Variants in SCNN1B observed in about 807,000 individuals in gnomAD.
SCNN1B encodes epithelial sodium channel subunit beta.
SCNN1B carries 46 observed loss-of-function variants against 65.3 expected under a neutral mutation model. The ratio of observed to expected loss-of-function variants is 0.70; its 90% CI spans 0.56 to 0.90. The LOEUF (loss-of-function observed/expected upper bound fraction) is 0.90. SCNN1B is among the 40% of genes least tolerant of loss of function. SCNN1B has a pLI of 0.00. For missense variants in SCNN1B, 751 were observed against 830.5 expected, an observed-to-expected ratio of 0.90 and a Z score of 1.18; for synonymous variants, 349 against 330.6, an observed-to-expected ratio of 1.06 and a Z score of -0.60.
At chr16:23,296,691 G>T (rs574743285) in intron 2 of SCNN1B, among the ~76,000 whole-genome samples, 9 of 152,144 alleles carry the variant, frequency 5.9e-5, no homozygotes, top group Non-Finnish European at 1.0e-4. Context: ...AGCTTGCTGT[G>T]GCCTCGGGCA....
intron 2 of SCNN1B, among the ~76,000 whole-genome samples, chr16:23,351,794 G>A (rs1013004744): frequency 3.9e-5 from 6 of 152,164 alleles, no homozygotes; most frequent in African/African-American, 1.4e-4. Context: ...CAGGGCTGAG[G>A]GAAGACATTG....
chr16:23,371,269 C>G, intron 5 of SCNN1B, 30 bp from the exon 6 acceptor site: 1 of 1,612,772 alleles, frequency 6.2e-7, no homozygotes, highest in Non-Finnish European at 8.5e-7. Context: ...GGAGAAAGTT[C>G]AGGCAGCCCT....
Position 23,348,682 on chromosome 16 carries a change from G to A in SCNN1B, c.83G>A (p.Trp28Ter). The A allele has an allele frequency of 6.2e-7, 1 of 1,613,954 alleles. No homozygotes were observed. The highest frequency in any genetic ancestry group is 8.5e-7 in the Non-Finnish European group (1 of 1,179,990). The change falls in exon 2 of 13, where the codon TGG becomes TAG. Residue 28 changes from tryptophan (W) to a stop codon, truncating the protein, a stop_gained. Coordinates refer to ENST00000343070, the MANE Select transcript of SCNN1B (RefSeq NM_000336.3). LOFTEE classifies it high-confidence loss of function. This position sits in a 1 kb window ranked among gnomAD's most constrained non-coding sequence, Gnocchi z 4.5. ...TACACGTACAAGGAGCTGCTGGTGT[G>A]GTACTGCGACAACACCAACACCCAC... is the stretch of plus-strand genomic sequence containing the variant. ...PGYTYKELLV[W>*]YCDNTNTHGP... is the part of the protein sequence containing the mutation.
At chr16:23,367,804 G>A (rs989489789) in intron 4 of SCNN1B, 52 bp from the exon 5 acceptor site, 19 of 1,354,252 alleles carry the variant, frequency 1.4e-5, no homozygotes, top group Non-Finnish European at 1.7e-5. Flanking sequence ...ACAGTCGGGG[G>A]AGGCATTGCC....
chr16:23,321,940 G>A (rs1254095994), intron 1 of SCNN1B, among the ~76,000 whole-genome samples: 1 of 152,044 alleles, frequency 6.6e-6, no homozygotes, highest in Non-Finnish European at 1.5e-5. Flanking sequence ...TGGAAGGATC[G>A]CTTGAGCCCG....
intron 7 of SCNN1B, among the ~76,000 whole-genome samples, chr16:23,373,203 C>T (rs1018908346): frequency 9.2e-5 from 14 of 152,144 alleles, no homozygotes; most frequent in East Asian, 3.9e-4. Context: ...ACTGCAGCCT[C>T]GAACTCTTGG....
intron 2 of SCNN1B, among the ~76,000 whole-genome samples, chr16:23,294,796 C>T (rs1960972720): frequency 6.6e-6 from 1 of 152,106 alleles, no homozygotes; most frequent in African/African-American, 2.4e-5. Flanking sequence ...AGCTCAAAAC[C>T]AGCCTGACCA....
intron 4 of SCNN1B, among the ~76,000 whole-genome samples, chr16:23,366,472 G>A (rs1309517089): frequency 2.6e-5 from 4 of 151,834 alleles, no homozygotes; most frequent in Admixed American, 1.3e-4. Flanking sequence ...AGTGGCTCAC[G>A]CCTGTAATCG....
chr16:23,324,269 C>G (rs1333463605), intron 1 of SCNN1B, among the ~76,000 whole-genome samples: 1 of 151,602 alleles, frequency 6.6e-6, no homozygotes, highest in Non-Finnish European at 1.5e-5. Flanking sequence ...ATCACTGCAG[C>G]CTGGAACTCC....
At chr16:23,294,265 G>T (rs749181081) in intron 2 of SCNN1B, among the ~76,000 whole-genome samples, 1 of 151,684 alleles carries the variant, frequency 6.6e-6, no homozygotes, top group African/African-American at 2.4e-5. Context: ...GCGAGATGGC[G>T]TGCAACCTGT....
At chr16:23,286,252 C>T (rs933399271) in intron 2 of SCNN1B, among the ~76,000 whole-genome samples, 2 of 152,136 alleles carry the variant, frequency 1.3e-5, no homozygotes, top group South Asian at 2.1e-4. Flanking sequence ...TTTGCAACTC[C>T]GAACAAAATG....
chr16:23,342,226 A>G (rs552094812), intron 1 of SCNN1B, among the ~76,000 whole-genome samples: 4 of 152,322 alleles, frequency 2.6e-5, no homozygotes, highest in Admixed American at 6.5e-5. Context: ...AGCCAGTCAG[A>G]AAAGACCACA....
chr16:23,300,790 G>T (rs998693566), upstream of SCNN1B, among the ~76,000 whole-genome samples: 3 of 152,010 alleles, frequency 2.0e-5, no homozygotes, highest in Non-Finnish European at 4.4e-5. Flanking sequence ...ACACCACTGC[G>T]CTCTAGCCTG....
intron 4 of SCNN1B, among the ~76,000 whole-genome samples, chr16:23,365,357 GAGAA>G (rs760251676): frequency 1.2e-4 from 17 of 143,428 alleles, no homozygotes; most frequent in African/African-American, 4.4e-4. Context: ...AAAGAAAAGA[GAGAA>G]AGAGAGAAAG....
intron 1 of SCNN1B, among the ~76,000 whole-genome samples, chr16:23,336,411 C>T (rs1463956838): frequency 2.7e-5 from 4 of 145,496 alleles, no homozygotes; most frequent in African/African-American, 7.8e-5. Flanking sequence ...CTCGCTCTGT[C>T]GCCAGGCTGG....
intron 1 of SCNN1B, among the ~76,000 whole-genome samples, chr16:23,327,077 C>T (rs1392900959): frequency 6.6e-6 from 1 of 152,026 alleles, no homozygotes; most frequent in Non-Finnish European, 1.5e-5. Flanking sequence ...TCACTATGCT[C>T]AGCTAACGTT....
intron 5 of SCNN1B, among the ~76,000 whole-genome samples, chr16:23,368,562 C>T (rs909027743): frequency 5.3e-5 from 8 of 152,024 alleles, no homozygotes; most frequent in African/African-American, 1.7e-4. Flanking sequence ...CTTCTCAAAG[C>T]CTTAGTTTCC....
At chr16:23,323,541 C>T (rs1961631813) in intron 1 of SCNN1B, 2 of 702,782 alleles carry the variant, frequency 2.8e-6, no homozygotes, top group Non-Finnish European at 5.2e-6. Flanking sequence ...ACTATTTTCC[C>T]CTCATTTTAC....
At chr16:23,363,259 G>A (rs1258915648) in intron 4 of SCNN1B, among the ~76,000 whole-genome samples, 1 of 152,208 alleles carries the variant, frequency 6.6e-6, no homozygotes, top group Non-Finnish European at 1.5e-5. Flanking sequence ...AGTATGCTAG[G>A]CATCCACCCC....
Sources: gnomAD v4.1 joint callset for allele counts (sites outside exome capture counted in the v4.1 genomes callset) on GRCh38, gnomAD v4.1.1 for gene constraint, Gnocchi (gnomAD v3.1) non-coding constraint, MANE v1.5 for transcripts, NCBI Gene and HGNC (gene_info 2026-07-23, HGNC 2026-07-21) for gene names.